KIF13B: variants seen among roughly 807,000 people sequenced by gnomAD.
KIF13B encodes kinesin-like protein KIF13B.
KIF13B carries 127 observed loss-of-function variants against 222.0 expected under a neutral mutation model. That is an observed-to-expected ratio of 0.57 (90% CI 0.50 to 0.66). The LOEUF (loss-of-function observed/expected upper bound fraction) is 0.66, where lower values mean the gene tolerates loss of function less well. Ranked by LOEUF, KIF13B falls within the 30% of genes least tolerant of loss-of-function variation. The probability of loss-of-function intolerance (pLI) is 0.00; values close to 1 mark genes in which losing one functional copy is unlikely to be tolerated. For synonymous variants in KIF13B, 976 were observed against 919.0 expected, an observed-to-expected ratio of 1.06 and a Z score of -1.12; for missense variants, 2,173 against 2,379.0, an observed-to-expected ratio of 0.91 and a Z score of 1.80.
intron 38 of KIF13B, among the ~76,000 whole-genome samples, chr8:29,072,892 C>T (rs1006094749): frequency 1.3e-5 from 2 of 152,094 alleles, no homozygotes; most frequent in Non-Finnish European, 2.9e-5. Context: ...CCCAACCTCA[C>T]GAAGAGACTG....
chr8:29,209,867 T>TG (rs1814129260), intron 2 of KIF13B, among the ~76,000 whole-genome samples: 1 of 129,744 alleles, frequency 7.7e-6, no homozygotes, highest in Admixed American at 9.2e-5. Context: ...GTCTGGGCAG[T>TG]GAGACCCTAC....
At chr8:29,262,878 C>G in intron 1 of KIF13B, 102 bp downstream of exon 1, 1 of 939,746 alleles carries the variant, frequency 1.1e-6, no homozygotes, top group South Asian at 1.8e-5. Context: ...CCGCCGCTGA[C>G]TATAGGGGCG....
intron 31 of KIF13B, among the ~76,000 whole-genome samples, chr8:29,114,518 G>A (rs970432047): frequency 2.6e-5 from 4 of 152,208 alleles, no homozygotes; most frequent in African/African-American, 9.6e-5. Context: ...GGTGAAGGGA[G>A]ATGTAGATGC....
chr8:29,101,652 G>A (rs140986464), intron 35 of KIF13B, among the ~76,000 whole-genome samples: 68 of 152,258 alleles, frequency 4.5e-4, no homozygotes, highest in African/African-American at 1.5e-3. Context: ...CCTGCAGAGC[G>A]TGACAAACAG....
intron 1 of KIF13B, among the ~76,000 whole-genome samples, chr8:29,258,588 G>A (rs1816569901): frequency 6.6e-6 from 1 of 152,100 alleles, no homozygotes; most frequent in South Asian, 2.1e-4. Context: ...CATTCTGGCA[G>A]GCAGATCTCA....
chr8:29,070,688 C>T lies in KIF13B; in HGVS notation c.5297G>A (p.Arg1766Gln), dbSNP rs1288385028. Residue 1766 changes from arginine to glutamine, a missense_variant, in exon 40 of 40, where the codon CGG (arginine) becomes CAG (glutamine). Physicochemically the swap from Arg to Gln is conservative, Grantham distance 43. Coordinates refer to ENST00000524189, the MANE Select transcript of KIF13B (RefSeq NM_015254.4). This position sits in a 1 kb window ranked among gnomAD's most constrained non-coding sequence, Gnocchi z 4.1. ...PGYGLLVRPS[R>Q]VRRATGPVRR... is the part of the protein sequence containing the mutation. ...CACAGGGCCCGTGGCCCTGCGGACC[C>T]GGCTGGGCCTGACCAGCAGCCCGTA... 14 of 1,560,388 alleles carry T rather than the reference C, an allele frequency of 9.0e-6. No homozygotes were observed. Among genetic ancestry groups the T allele is most frequent in the African/African-American group, 4.1e-5 (3 of 73,516 alleles).
chr8:29,109,840 T>C, intron 33 of KIF13B, 78 bp downstream of exon 33: 3 of 1,394,308 alleles, frequency 2.2e-6, no homozygotes, highest in Non-Finnish European at 2.0e-6. Context: ...GCAACAACAC[T>C]GTGAATTACA....
At chr8:29,183,612 G>A (rs1586894378) in intron 6 of KIF13B, among the ~76,000 whole-genome samples, 2 of 152,262 alleles carry the variant, frequency 1.3e-5, no homozygotes, top group East Asian at 3.9e-4. Flanking sequence ...TTATCCATTT[G>A]TATTATAATA....
chr8:29,109,344 G>C, intron 34 of KIF13B, 90 bp downstream of exon 34: 1 of 995,236 alleles, frequency 1.0e-6, no homozygotes, highest in Non-Finnish European at 1.6e-6. Flanking sequence ...TTTCGGAGAT[G>C]GGGTTTGACG....
rs1273238594 is a variant in KIF13B at position 29,071,119 on chromosome 8, CAG to C, written c.5219-355_5219-354del. Among the ~76,000 whole-genome samples the C allele has an allele frequency of 6.6e-6, 1 of 152,206 alleles. No individual in the cohort carries two copies. The highest frequency in any genetic ancestry group is 1.5e-5 in the Non-Finnish European group (1 of 68,026). On this transcript the variant is annotated intron_variant, in intron 39 of 39. Transcript: ENST00000524189. The surrounding 1 kb of genome is among the most constrained non-coding windows in gnomAD (Gnocchi z 4.9). Reference sequence around the variant, plus strand: ...ACAACCGGCCCGCCTCGTGCGGGAACAGACCCTTCTCCATCTGGACCCAGGCC... The same window carrying C: ...ACAACCGGCCCGCCTCGTGCGGGAACACCCTTCTCCATCTGGACCCAGGCC...
Position 29,106,264 on chromosome 8 carries a change from T to C in KIF13B, c.4215+1875A>G, listed in dbSNP as rs2133597298. On this transcript the variant is annotated intron_variant, in intron 35 of 39. Transcript: ENST00000524189. ...GCAGGGCTCCAGTGAACGGATAAGCTGGACAGCAATTTGTATGTCTACAAA... is the reference window on the plus strand; with the variant it reads ...GCAGGGCTCCAGTGAACGGATAAGCCGGACAGCAATTTGTATGTCTACAAA... Among the ~76,000 whole-genome samples, 3 of 152,304 alleles carry C rather than the reference T, an allele frequency of 2.0e-5. No homozygotes were observed. The South Asian group carries it at 6.2e-4, about 32-fold the overall frequency.
intron 24 of KIF13B, among the ~76,000 whole-genome samples, chr8:29,127,694 G>T (rs1810175426): frequency 6.6e-6 from 1 of 152,150 alleles, no homozygotes; most frequent in Non-Finnish European, 1.5e-5. Flanking sequence ...TTCATACACT[G>T]TAAGTGGGAA....
chr8:29,214,533 A>G (rs1563795375), intron 2 of KIF13B, among the ~76,000 whole-genome samples: 1 of 152,208 alleles, frequency 6.6e-6, no homozygotes, highest in African/African-American at 2.4e-5. Flanking sequence ...ATCTCCTGTG[A>G]TAACAGTGCC....
intron 37 of KIF13B, among the ~76,000 whole-genome samples, chr8:29,077,558 G>T (rs1807622207): frequency 1.3e-5 from 2 of 152,236 alleles, no homozygotes; most frequent in Admixed American, 1.3e-4. Flanking sequence ...CAAAGGTGAA[G>T]TTTATTCCCC....
At chr8:29,107,905 G>A (rs774309919) in intron 35 of KIF13B, among the ~76,000 whole-genome samples, 3 of 152,162 alleles carry the variant, frequency 2.0e-5, no homozygotes, top group Non-Finnish European at 2.9e-5. Flanking sequence ...TTAGACAGAA[G>A]TACGAGCTTT....
intron 2 of KIF13B, chr8:29,219,304 T>G (rs1814633341): frequency 6.6e-6 from 1 of 152,148 alleles, no homozygotes; most frequent in African/African-American, 2.4e-5. Flanking sequence ...ACCAGAGGGC[T>G]GCTAAGCTGA....
At chr8:29,204,771 A>C (rs972194201) in intron 2 of KIF13B, among the ~76,000 whole-genome samples, 3 of 142,948 alleles carry the variant, frequency 2.1e-5, no homozygotes, top group African/African-American at 7.5e-5. Flanking sequence ...GCCACAGACC[A>C]AAAAAAAAAA....
rs762922413 is a variant in KIF13B at position 29,108,169 on chromosome 8, G to A, written c.4185C>T (p.Leu1395=). The change falls in exon 35 of 40, where the codon CTC becomes CTT. Residue 1395 remains leucine (L), a synonymous_variant. Coordinates refer to ENST00000524189, the MANE Select transcript of KIF13B (RefSeq NM_015254.4). The part of the protein sequence containing the change: ...VNRLSGSRQD[L]IPSYSLGSNK... ...TGCTGCCTAGACTGTATGATGGAAT[G>A]AGATCTTGTCGGCTTCCAGACAACT... The A allele has an allele frequency of 2.5e-6, 4 of 1,612,538 alleles. No individual in the cohort carries two copies. The South Asian group carries it at 3.3e-5, about 13-fold the overall frequency.
At chr8:29,146,212 G>A (rs1811051699) in intron 18 of KIF13B, 166 bp downstream of exon 18, 1 of 687,496 alleles carries the variant, frequency 1.5e-6, no homozygotes, top group South Asian at 1.7e-5. Context: ...TACACTCAAA[G>A]GTAGAGAATG....
Sources: gnomAD v4.1 joint callset for allele counts (sites outside exome capture counted in the v4.1 genomes callset) on GRCh38, gnomAD v4.1.1 for gene constraint, Gnocchi (gnomAD v3.1) non-coding constraint, MANE v1.5 for transcripts, NCBI Gene and HGNC (gene_info 2026-07-23, HGNC 2026-07-21) for gene names.